PTPRO: variants seen among roughly 807,000 people sequenced by gnomAD.
PTPRO encodes the protein receptor-type tyrosine-protein phosphatase O.
Under a neutral mutation model 145.2 loss-of-function variants are expected in PTPRO, and 62 were observed. The observed-to-expected ratio is 0.43, with a 90% CI of 0.35 to 0.53. The LOEUF is 0.53. PTPRO is among the 20% of genes least tolerant of loss of function. The pLI is 0.01. For missense variants in PTPRO, 1,345 were observed against 1,482.7 expected (o/e 0.91, Z 1.53); for synonymous variants, 565 against 514.7 (o/e 1.10, Z -1.32).
At chr12:15,550,580 G>A (rs1048102630) in intron 14 of PTPRO, among the ~76,000 whole-genome samples, 13 of 152,346 alleles carry the variant, frequency 8.5e-5, no homozygotes, top group African/African-American at 2.9e-4. Flanking sequence ...CCATAGGGCA[G>A]ATGAAATGGC....
chr12:15,419,913 T>C (rs11056469), intron 1 of PTPRO, among the ~76,000 whole-genome samples: 5,460 of 151,480 alleles, frequency 0.036, 489 homozygotes, highest in East Asian at 0.18. Flanking sequence ...TTTGGGAGGC[T>C]GAGGTGGGTG....
At chr12:15,583,941 T>C (rs898313070) in intron 23 of PTPRO, among the ~76,000 whole-genome samples, 3 of 152,150 alleles carry the variant, frequency 2.0e-5, no homozygotes, top group Non-Finnish European at 4.4e-5. Flanking sequence ...TGTTTCGTGT[T>C]GTTTCGGTCA....
intron 9 of PTPRO, among the ~76,000 whole-genome samples, chr12:15,518,280 C>G (rs549595918): frequency 2.0e-5 from 3 of 152,324 alleles, no homozygotes; most frequent in African/African-American, 7.2e-5. Context: ...CCCCTTTCAC[C>G]CACAGCTGCA....
In PTPRO at chr12:15,497,328, G is replaced by T. The variant is rs551711163; in HGVS notation, c.433G>T (p.Glu145Ter). The stretch of plus-strand genomic sequence containing the variant: ...AGTCCTGTTTGAAATACATTATCCA[G>T]AAAAATATAACGTTTTCACAAGAGT... Reference protein sequence around the residue: ...TGVLFEIHYPEKYNVFTRVNI... With the variant: ...TGVLFEIHYP Residue 145 changes from glutamate to a stop codon, truncating the protein, a stop_gained, in exon 3 of 27, where the codon GAA becomes TAA. Transcript: ENST00000281171. LOFTEE classifies it high-confidence loss of function. 1 of 1,609,198 alleles carries T rather than the reference G, an allele frequency of 6.2e-7. No individual in the cohort carries two copies. Among genetic ancestry groups the T allele is most frequent in the Non-Finnish European group, 8.5e-7 (1 of 1,175,832 alleles).
intron 20 of PTPRO, 135 bp downstream of exon 20, chr12:15,579,078 T>C (rs1361301264): frequency 8.2e-6 from 6 of 731,052 alleles, no homozygotes; most frequent in Admixed American, 7.9e-5. Flanking sequence ...TGAGATTGCA[T>C]TGATCTCACT....
At chr12:15,529,421 G>T (rs147908649) in intron 12 of PTPRO, among the ~76,000 whole-genome samples, 79 of 151,298 alleles carry the variant, frequency 5.2e-4, no homozygotes, top group Admixed American at 1.1e-3. Context: ...GGGAGGTCAA[G>T]GTTGGTGAAT....
chr12:15,529,715 A>G (rs1591691881), intron 12 of PTPRO, among the ~76,000 whole-genome samples: 1 of 152,332 alleles, frequency 6.6e-6, no homozygotes, highest in African/African-American at 2.4e-5. Context: ...CCTTGTGGTA[A>G]CCACAGCACA....
At chr12:15,416,736 T>TTC (rs1939991191) in intron 1 of PTPRO, among the ~76,000 whole-genome samples, 1 of 140,812 alleles carries the variant, frequency 7.1e-6, no homozygotes. Flanking sequence ...TTTTTTTTTT[T>TTC]CCCCACCAAC....
chr12:15,570,725 A>T (rs1414609056), intron 19 of PTPRO, among the ~76,000 whole-genome samples: 1 of 152,194 alleles, frequency 6.6e-6, no homozygotes, highest in East Asian at 1.9e-4. Context: ...AGCAAACATG[A>T]GGCAAAACTC....
Position 15,439,690 on chromosome 12 carries a change from C to T in PTPRO, c.76-44284C>T, listed in dbSNP as rs574433858. The T allele has an allele frequency of 1.6e-4, 72 of 459,908 alleles. 1 individual carries two copies. Among genetic ancestry groups the T allele is most frequent in the Non-Finnish European group, 2.1e-4 (49 of 233,884 alleles). The allele number at this position is 459,908 out of a possible 1,614,324, so 28.5% of individuals were successfully genotyped here. A position where few individuals can be genotyped will look rare whatever the true frequency, so the allele number is the denominator to read the frequency against. On this transcript the variant is annotated intron_variant, in intron 1 of 26. Coordinates refer to ENST00000281171, the MANE Select transcript of PTPRO (RefSeq NM_030667.3). ...GCCACGGAGCTCACTGAGGCAAGGC[C>T]GAGGATGAGTGGATGCCCGTCACCG...
intron 1 of PTPRO, among the ~76,000 whole-genome samples, chr12:15,422,219 G>A (rs1940165816): frequency 6.6e-6 from 1 of 152,104 alleles, no homozygotes; most frequent in African/African-American, 2.4e-5. Flanking sequence ...TGATTGCAAA[G>A]GGAAAGAAGA....
chr12:15,427,313 C>T (rs946150918), intron 1 of PTPRO, among the ~76,000 whole-genome samples: 19 of 151,940 alleles, frequency 1.3e-4, no homozygotes, highest in African/African-American at 4.6e-4. Context: ...TCTTCACCCA[C>T]ATTAATTTTA....
At chr12:15,471,465 C>A (rs1004159832) in intron 1 of PTPRO, among the ~76,000 whole-genome samples, 1 of 152,116 alleles carries the variant, frequency 6.6e-6, no homozygotes, top group Non-Finnish European at 1.5e-5. Flanking sequence ...ATTTAGGATA[C>A]ATATTAAAAA....
At chr12:15,423,580 T>C (rs1940204879) in intron 1 of PTPRO, among the ~76,000 whole-genome samples, 1 of 152,182 alleles carries the variant, frequency 6.6e-6, no homozygotes, top group African/African-American at 2.4e-5. Context: ...ATAAACCCAA[T>C]GTTACTAATT....
intron 15 of PTPRO, among the ~76,000 whole-genome samples, chr12:15,555,132 G>A (rs914506066): frequency 3.3e-5 from 5 of 152,116 alleles, no homozygotes; most frequent in Non-Finnish European, 5.9e-5. Context: ...CAGCTACTCA[G>A]GAGACTGAGG....
chr12:15,425,601 G>A (rs1348837833), intron 1 of PTPRO, among the ~76,000 whole-genome samples: 1 of 152,082 alleles, frequency 6.6e-6, no homozygotes. Context: ...TTTGGGTTTA[G>A]AACTTTAATC....
chr12:15,404,571 C>A (rs1272964727), intron 1 of PTPRO, among the ~76,000 whole-genome samples: 1 of 152,114 alleles, frequency 6.6e-6, no homozygotes, highest in African/African-American at 2.4e-5. Context: ...GTTGTGATTT[C>A]TTTGGGTACC....
At chr12:15,440,766 T>TA (rs776998227) in intron 1 of PTPRO, among the ~76,000 whole-genome samples, 11 of 151,450 alleles carry the variant, frequency 7.3e-5, no homozygotes, top group Non-Finnish European at 8.8e-5. Context: ...CCAACAACAG[T>TA]AAAAAAAAGA....
At chr12:15,323,833 C>G (rs1448278875) in intron 1 of PTPRO, among the ~76,000 whole-genome samples, 2 of 152,036 alleles carry the variant, frequency 1.3e-5, no homozygotes, top group African/African-American at 4.8e-5. Context: ...CTTATATGCA[C>G]CATTAATTAT....
Sources: allele counts gnomAD v4.1 joint callset (sites outside exome capture counted in the v4.1 genomes callset), GRCh38; gene constraint gnomAD v4.1.1; transcripts MANE v1.5; gene names NCBI Gene and HGNC (gene_info 2026-07-23, HGNC 2026-07-21).